Variants in UROS observed in about 807,000 individuals in gnomAD.
UROS encodes uroporphyrinogen III synthase, also known as uroporphyrinogen-III synthase.
UROS carries 18 observed loss-of-function variants against 33.0 expected under a neutral mutation model. That is an observed-to-expected ratio of 0.55 (90% CI 0.38 to 0.81). UROS has a LOEUF of 0.81. Among genes scored for constraint, UROS ranks in the 30% least tolerant of loss-of-function variants. The pLI is 0.00. For synonymous variants in UROS, 114 were observed against 121.1 expected, an observed-to-expected ratio of 0.94 and a Z score of 0.38; for missense variants, 293 against 314.9, an observed-to-expected ratio of 0.93 and a Z score of 0.53.
intron 6 of UROS, chr10:125,807,124 G>C (rs892157941): frequency 4.7e-6 from 2 of 423,402 alleles, no homozygotes; most frequent in Admixed American, 3.6e-5. Context: ...GCTCTCTTTG[G>C]AATCCCTCAA....
intron 1 of UROS, among the ~76,000 whole-genome samples, chr10:125,818,579 C>CTGAT (rs906195586): frequency 1.2e-4 from 18 of 152,220 alleles, no homozygotes; most frequent in African/African-American, 4.1e-4. Context: ...TATTATCAGG[C>CTGAT]TGATTGGGAA....
At chr10:125,816,606 G>A (rs1253190904) in intron 1 of UROS, 81 bp from the exon 2 acceptor site, 1 of 1,372,206 alleles carries the variant, frequency 7.3e-7, no homozygotes, top group Admixed American at 1.7e-5. Context: ...CGGTACACAA[G>A]AAGAAGGCAA....
At chr10:125,789,896 A>C (rs1278138608) in intron 9 of UROS, among the ~76,000 whole-genome samples, 1 of 152,212 alleles carries the variant, frequency 6.6e-6, no homozygotes, top group Non-Finnish European at 1.5e-5. Flanking sequence ...TGTGGGGGTT[A>C]AATGAGAGAA....
intron 5 of UROS, among the ~76,000 whole-genome samples, chr10:125,810,854 TG>T (rs1259167692): frequency 6.6e-6 from 1 of 152,248 alleles, no homozygotes; most frequent in African/African-American, 2.4e-5. Context: ...AGGAAAAATG[TG>T]GTTTCCTTTC....
chr10:125,797,519 C>T (rs1851464529), intron 7 of UROS, among the ~76,000 whole-genome samples: 1 of 152,214 alleles, frequency 6.6e-6, no homozygotes, highest in Non-Finnish European at 1.5e-5. Context: ...CCCAGACTAA[C>T]TATGTGACAG....
rs373050706 is a variant in UROS at position 125,817,157 on chromosome 10, G to T, written c.-26-632C>A. On this transcript the variant is annotated intron_variant, in intron 1 of 9. Coordinates refer to ENST00000368797, the MANE Select transcript of UROS (RefSeq NM_000375.3). ...TCACACTAGAATTCTTTTGGGTCTC[G>T]TTGGGTCATATTAGGGAATGTGGCT... Among the ~76,000 whole-genome samples, 49 of 148,616 alleles carry T rather than the reference G, an allele frequency of 3.3e-4. No homozygotes were observed. In the South Asian group the frequency reaches 0.01, roughly 31 times the overall value.
chr10:125,816,737 C>T (rs907186856), intron 1 of UROS: 37 of 594,676 alleles, frequency 6.2e-5, no homozygotes, highest in Non-Finnish European at 1.0e-4. Flanking sequence ...CAGTTGATAT[C>T]ACTTGGAAAG....
chr10:125,807,552 T>C, intron 5 of UROS, 65 bp from the exon 6 acceptor site: 3 of 1,300,950 alleles, frequency 2.3e-6, no homozygotes, highest in Non-Finnish European at 3.3e-6. Context: ...TCCAGCGTTA[T>C]TTTTTAACGT....
At chr10:125,799,015 C>T (rs1278919617) in intron 6 of UROS, among the ~76,000 whole-genome samples, 1 of 152,206 alleles carries the variant, frequency 6.6e-6, no homozygotes, top group Non-Finnish European at 1.5e-5. Context: ...TATTCATACA[C>T]ATTGTATATT....
At chr10:125,789,839 T>C (rs1850792681) in intron 9 of UROS, among the ~76,000 whole-genome samples, 1 of 152,210 alleles carries the variant, frequency 6.6e-6, no homozygotes, top group Non-Finnish European at 1.5e-5. Context: ...GCCTCTCTGA[T>C]CCTCACCTAT....
Position 125,807,491 on chromosome 10 carries a change from G to A in UROS, c.320-4C>T, listed in dbSNP as rs1363887541. 3 of 1,612,516 alleles carry A rather than the reference G, an allele frequency of 1.9e-6. No homozygotes were observed. In the South Asian group the frequency reaches 3.3e-5, roughly 18 times the overall value. On this transcript the variant is annotated splice_region_variant and splice_polypyrimidine_tract_variant and intron_variant, in intron 5 of 9. Coordinates refer to ENST00000368797, the MANE Select transcript of UROS (RefSeq NM_000375.3). ...GTATCCAGGCCAATTTTACTCACTG[G>A]AAAACCACAAAGAAATGTATTTCTT...
At chr10:125,808,963 C>T (rs568374152) in intron 5 of UROS, among the ~76,000 whole-genome samples, 8 of 152,206 alleles carry the variant, frequency 5.3e-5, no homozygotes, top group Non-Finnish European at 1.0e-4. Context: ...AGGGCCCTGC[C>T]CAAGTAAAAG....
chr10:125,808,992 A>G (rs1158196887), intron 5 of UROS, among the ~76,000 whole-genome samples: 1 of 152,250 alleles, frequency 6.6e-6, no homozygotes, highest in Non-Finnish European at 1.5e-5. Flanking sequence ...GAAACTTCAA[A>G]TTGTCTCCAA....
chr10:125,816,446 C>G lies in UROS; in HGVS notation c.54G>C (p.Pro18=). 6.2e-7 allele frequency: 1 copy of G among 1,614,188 alleles called. No homozygotes were observed. Among genetic ancestry groups the G allele is most frequent in the Non-Finnish European group, 8.5e-7 (1 of 1,180,020 alleles). The change falls in exon 2 of 10, where the codon CCG becomes CCC. Residue 18 remains proline (P), a synonymous_variant. Coordinates refer to ENST00000368797, the MANE Select transcript of UROS (RefSeq NM_000375.3). Reference sequence around the variant, plus strand: ...GTCTCAGGCCACTTACCCTGATATACGGATCCTGGCCACAGTCATCTTCCT... The same window carrying G: ...GTCTCAGGCCACTTACCCTGATATAGGGATCCTGGCCACAGTCATCTTCCT... ...DAKEDDCGQD[P]YIRELGLYGL... is the part of the protein sequence containing the mutation.
intron 7 of UROS, among the ~76,000 whole-genome samples, chr10:125,797,630 C>CGGCAGGTGGAGCTGGAGG (rs1175020657): frequency 2.6e-5 from 4 of 152,138 alleles, no homozygotes; most frequent in South Asian, 2.1e-4. Context: ...TTGGGAGCCA[C>CGGCAGGTGGAGCTGGAGG]GGCAGGTGGA....
chr10:125,821,147 A>G (rs1042706919), intron 1 of UROS, among the ~76,000 whole-genome samples: 6 of 152,232 alleles, frequency 3.9e-5, no homozygotes, highest in African/African-American at 1.2e-4. Context: ...TATATACCCC[A>G]AAGAATTGAA....
chr10:125,792,469 A>G (rs546087027), intron 9 of UROS: 1 of 152,246 alleles, frequency 6.6e-6, no homozygotes, highest in South Asian at 2.1e-4. Context: ...GTGGCTAGTG[A>G]GCACTAGGTG....
At chr10:125,793,282 C>T (rs1851081754) in intron 9 of UROS, 1 of 138,904 alleles carries the variant, frequency 7.2e-6, no homozygotes, top group Non-Finnish European at 1.5e-5. Context: ...CACTAAGAAG[C>T]TTGGGGAAAA....
chr10:125,793,511 G>A (rs1389855554), intron 9 of UROS: 1 of 152,188 alleles, frequency 6.6e-6, no homozygotes, highest in Non-Finnish European at 1.5e-5. Flanking sequence ...AGCACTTTAT[G>A]GGTCCTATCT....
Sources: allele counts gnomAD v4.1 joint callset (sites outside exome capture counted in the v4.1 genomes callset), GRCh38; gene constraint gnomAD v4.1.1; transcripts MANE v1.5; gene names NCBI Gene and HGNC (gene_info 2026-07-23, HGNC 2026-07-21).